Variants in LMF1 observed in about 807,000 individuals in gnomAD.
LMF1 encodes the protein lipase maturation factor 1.
A neutral mutation model predicts 60.6 loss-of-function variants in LMF1; 68 were observed. The observed-to-expected ratio is 1.12, with a 90% CI of 0.92 to 1.37. The LOEUF is 1.37. Among genes scored for constraint, LMF1 ranks in the 40% most tolerant of loss-of-function variants. The pLI is 0.00. For missense variants in LMF1, 948 were observed against 767.2 expected (o/e 1.24, Z -2.78); for synonymous variants, 418 against 324.7 (o/e 1.29, Z -3.09).
chr16:953,190 G>A, intron 2 of LMF1, among the ~76,000 whole-genome samples: 2 of 93,358 alleles, frequency 2.1e-5, no homozygotes, highest in Non-Finnish European at 2.2e-5. Context: ...CCCCAAACCA[G>A]CCTCCTACAT....
intron 1 of LMF1, among the ~76,000 whole-genome samples, chr16:977,873 C>G (rs1168044490): frequency 6.7e-6 from 1 of 150,242 alleles, no homozygotes; most frequent in African/African-American, 2.5e-5. Flanking sequence ...CAAACACACC[C>G]ACACCCTGCA....
At chr16:861,550 G>A (rs770298302) in intron 10 of LMF1, among the ~76,000 whole-genome samples, 1 of 151,860 alleles carries the variant, frequency 6.6e-6, no homozygotes, top group Non-Finnish European at 1.5e-5. Flanking sequence ...AGTAGAGACA[G>A]GGTTTCTCTA....
At chr16:936,121 G>T (rs1006221417) in intron 2 of LMF1, among the ~76,000 whole-genome samples, 20 of 149,912 alleles carry the variant, frequency 1.3e-4, no homozygotes, top group Non-Finnish European at 2.7e-4. Flanking sequence ...GAAGGAGGCT[G>T]GGAGGGAGAG....
Position 966,720 on chromosome 16 carries a change from C to T in LMF1, c.193+4068G>A, listed in dbSNP as rs140131944. Among the ~76,000 whole-genome samples, 4 of 152,298 alleles carry T rather than the reference C, an allele frequency of 2.6e-5. No homozygotes were observed. In the East Asian group the frequency reaches 7.8e-4, roughly 30 times the overall value. On this transcript the variant is annotated intron_variant, in intron 1 of 10. Coordinates refer to ENST00000262301, the MANE Select transcript of LMF1 (RefSeq NM_022773.4). ...ATCCCATGTCAGCCTCAGGACGGCCCAGCGGTCACTCTCACCTCATCAGTG... is the reference window on the plus strand; with the variant it reads ...ATCCCATGTCAGCCTCAGGACGGCCTAGCGGTCACTCTCACCTCATCAGTG...
intron 3 of LMF1, chr16:934,015 T>A: frequency 1.3e-6 from 2 of 1,493,754 alleles, no homozygotes; most frequent in Non-Finnish European, 1.8e-6. Flanking sequence ...CAATCATGCG[T>A]GCGACCATCC....
chr16:963,877 G>C (rs1477130683), intron 1 of LMF1, among the ~76,000 whole-genome samples: 2 of 149,234 alleles, frequency 1.3e-5, no homozygotes, highest in Non-Finnish European at 3.0e-5. Flanking sequence ...CTCTACTCAT[G>C]TTATAAAAAT....
intron 5 of LMF1, among the ~76,000 whole-genome samples, chr16:881,924 C>T (rs538442398): frequency 2.2e-4 from 33 of 152,226 alleles, no homozygotes; most frequent in African/African-American, 7.0e-4. Context: ...GGGAGGGGAG[C>T]GGGGGCTGCT....
At chr16:932,293 T>C (rs893774386) in intron 3 of LMF1, among the ~76,000 whole-genome samples, 1 of 152,210 alleles carries the variant, frequency 6.6e-6, no homozygotes, top group Non-Finnish European at 1.5e-5. Context: ...GCCCTGGTGC[T>C]GAGACACGGC....
rs1245919258 is a variant in LMF1, at chr16:970,949, G to A, written c.32C>T (p.Pro11Leu). Residue 11 changes from proline to leucine, a missense_variant, in exon 1 of 11, where the codon CCC becomes CTC. Coordinates refer to ENST00000262301, the MANE Select transcript of LMF1 (RefSeq NM_022773.4). ...CTTCCGCCTCCTCAGCGACTCCGCG[G>A]GCGCCGCCATTGTTGGGCTGTCAGG... MRPDSPTMAA[P>L]AESLRRRKTG... 1.3e-6 allele frequency: 2 copies of A among 1,541,572 alleles called. No homozygotes were observed. Among genetic ancestry groups the A allele is most frequent in the Middle Eastern group, 1.8e-4 (1 of 5,452 alleles).
chr16:858,891 G>T (rs2069313270), intron 10 of LMF1, among the ~76,000 whole-genome samples: 1 of 80,342 alleles, frequency 1.2e-5, no homozygotes, highest in Admixed American at 1.2e-4. Context: ...GGACGGGTGT[G>T]CAGTGGTGTC....
intron 3 of LMF1, among the ~76,000 whole-genome samples, chr16:918,339 G>A (rs917150344): frequency 2.0e-5 from 3 of 152,178 alleles, no homozygotes; most frequent in African/African-American, 7.2e-5. Flanking sequence ...GCTCAGCTCT[G>A]TGCAGGTGTC....
intron 5 of LMF1, among the ~76,000 whole-genome samples, chr16:881,803 G>C (rs925638614): frequency 6.6e-6 from 1 of 152,202 alleles, no homozygotes; most frequent in African/African-American, 2.4e-5. Flanking sequence ...CCAGGGCTAG[G>C]CCCACACCCG....
chr16:888,608 G>A (rs1036943049), intron 5 of LMF1, among the ~76,000 whole-genome samples: 4 of 152,196 alleles, frequency 2.6e-5, no homozygotes, highest in Non-Finnish European at 4.4e-5. Flanking sequence ...TTGCATCCGC[G>A]TCGTCAGGCA....
intron 3 of LMF1, chr16:931,604 G>A (rs1597021101): frequency 7.8e-7 from 1 of 1,279,654 alleles, no homozygotes; most frequent in African/African-American, 1.5e-5. Context: ...CAGTGCCTTT[G>A]GTCTAGGTGT....
intron 5 of LMF1, among the ~76,000 whole-genome samples, chr16:890,754 A>C (rs1416260289): frequency 1.3e-5 from 2 of 152,182 alleles, no homozygotes; most frequent in Non-Finnish European, 2.9e-5. Context: ...CTCTGACTTC[A>C]TCTTAACTAA....
chr16:911,968 C>T (rs2071136428), intron 3 of LMF1, among the ~76,000 whole-genome samples: 1 of 152,170 alleles, frequency 6.6e-6, no homozygotes, highest in African/African-American at 2.4e-5. Flanking sequence ...GGTCGCCATT[C>T]CAGTGCTATT....
upstream of LMF1, among the ~76,000 whole-genome samples, chr16:975,205 C>T (rs2073112354): frequency 1.3e-5 from 2 of 152,188 alleles, no homozygotes; most frequent in African/African-American, 2.4e-5. Flanking sequence ...GAAGGAGATG[C>T]GGCTCCATGT....
Position 950,085 on chromosome 16 carries a change from C to T in LMF1, c.503+4272G>A, listed in dbSNP as rs374933150. 1.3e-4 allele frequency among the ~76,000 whole-genome samples: 11 copies of T among 83,382 alleles called. 3 individuals are homozygous for T. The highest frequency in any genetic ancestry group is 6.3e-4 in the Admixed American group (5 of 7,904). 54.7% of individuals were successfully genotyped at this position (83,382 alleles called of 152,430 possible). ...CAGCCAACGACAGAGTCAGAGACAA[C>T]GACAGAGTCAGAGCCAACGACAGAG... On this transcript the variant is annotated intron_variant, in intron 2 of 10. Transcript: ENST00000262301.
chr16:879,828 G>A (rs1410752544), intron 5 of LMF1, 91 bp from the exon 6 acceptor site: 100 of 1,286,284 alleles, frequency 7.8e-5, no homozygotes, highest in Non-Finnish European at 8.4e-5. Context: ...CCCTGACCCC[G>A]GCTCCTACTG....
Sources: gnomAD v4.1 joint callset for allele counts (sites outside exome capture counted in the v4.1 genomes callset) on GRCh38, gnomAD v4.1.1 for gene constraint, MANE v1.5 for transcripts, NCBI Gene and HGNC (gene_info 2026-07-23, HGNC 2026-07-21) for gene names.